CXADR: variants seen among roughly 807,000 people sequenced by gnomAD.
CXADR encodes CXADR cell adhesion molecule.
CXADR carries 20 observed loss-of-function variants against 40.3 expected under a neutral mutation model. The ratio of observed to expected loss-of-function variants is 0.50; its 90% CI spans 0.35 to 0.72. The LOEUF is 0.72. CXADR is among the 30% of genes least tolerant of loss of function. The pLI is 0.01. For synonymous variants in CXADR, 150 were observed against 161.3 expected (o/e 0.93, Z 0.53); for missense variants, 332 against 449.1 (o/e 0.74, Z 2.36).
rs765586953 is a variant in CXADR at position 17,565,479 on chromosome 21, C to G, written c.885C>G (p.Ile295Met). ...KSRTSTARSY[I>M]GSNHSSLGSM... The stretch of plus-strand genomic sequence containing the variant: ...GTACGTCCACTGCCAGAAGCTACAT[C>G]GGCAGTAATCATTCATCCCTGGGGT... Residue 295 changes from isoleucine to methionine, a missense_variant, in exon 7 of 7, where the codon ATC becomes ATG. By Grantham distance (10) the Ile-to-Met change is conservative. Coordinates refer to ENST00000284878, the MANE Select transcript of CXADR (RefSeq NM_001338.5). 1.1e-5 allele frequency: 17 copies of G among 1,613,944 alleles called. No homozygotes were observed. Among genetic ancestry groups the G allele is most frequent in the Non-Finnish European group, 1.4e-5 (16 of 1,179,852 alleles).
downstream of CXADR, among the ~76,000 whole-genome samples, chr21:17,570,449 A>G (rs1262150294): frequency 6.6e-6 from 1 of 152,208 alleles, no homozygotes; most frequent in Non-Finnish European, 1.5e-5. Context: ...TGGGAAGTCA[A>G]AGATCAAGGC....
chr21:17,559,358 A>T (rs924432275), intron 4 of CXADR, among the ~76,000 whole-genome samples: 855 of 24,868 alleles, frequency 0.034, 9 homozygotes, highest in African/African-American at 0.062. Flanking sequence ...TTTTTTTTTA[A>T]AAAATGTGTA....
rs1355960039 is a variant in CXADR at position 17,568,375 on chromosome 21, G to C, written c.*2683G>C. On this transcript the variant is annotated 3_prime_UTR_variant, in exon 7 of 7. Transcript: ENST00000284878. Reference sequence around the variant, plus strand: ...GATCTCCTGACCTCGTGATCTGCCTGCCTCGGCCTCCCAAAGTGCTGGGAT... The same window carrying C: ...GATCTCCTGACCTCGTGATCTGCCTCCCTCGGCCTCCCAAAGTGCTGGGAT... 6 of 931,722 alleles carry C rather than the reference G, an allele frequency of 6.4e-6. No individual in the cohort carries two copies. The highest frequency in any genetic ancestry group is 3.6e-5 in the African/African-American group (2 of 55,738). 57.7% of individuals were successfully genotyped at this position (931,722 alleles called of 1,614,324 possible). A position where few individuals can be genotyped will look rare whatever the true frequency, so the allele number is the denominator to read the frequency against.
At chr21:17,615,508 A>C in the CXADR span, among the ~76,000 whole-genome samples, 3 of 152,218 alleles carry the variant, frequency 2.0e-5, no homozygotes, top group African/African-American at 7.2e-5. Flanking sequence ...AGAGATTAAC[A>C]ATAATTATAA....
intron 1 of CXADR, among the ~76,000 whole-genome samples, chr21:17,522,084 G>A (rs1045701908): frequency 1.3e-5 from 2 of 151,646 alleles, no homozygotes; most frequent in Admixed American, 6.6e-5. Context: ...GTGGGCTCAG[G>A]TGATTCTTCT....
rs532541050 is a variant in CXADR, at chr21:17,577,612, C to CTTTTTTTTTTTTTTTTTTTTTTTTT, written c.1017+12005_1017+12029dup. Among the ~76,000 whole-genome samples the CTTTTTTTTTTTTTTTTTTTTTTTTT allele has an allele frequency of 1.4e-4, 5 of 36,576 alleles. 1 individual carries two copies. The East Asian group carries it at 3.2e-3, about 24-fold the overall frequency. 24.0% of individuals were successfully genotyped at this position (36,576 alleles called of 152,430 possible). On this transcript the variant is annotated intron_variant, in intron 7 of 7. Transcript: ENST00000400169. ...CTCACACGTCAGACCATTCTGCAAG[C>CTTTTTTTTTTTTTTTTTTTTTTTTT]TTTTTTTTTTTTTTTTTTTTTTTTT...
At chr21:17,518,948 CT>C in intron 1 of CXADR, 3 of 1,608,814 alleles carry the variant, frequency 1.9e-6, no homozygotes, top group East Asian at 2.2e-5. Flanking sequence ...CCCTTGCCCC[CT>C]ATCCGGACCT....
At chr21:17,578,834 A>G (rs973319608) in intron 7 of CXADR, among the ~76,000 whole-genome samples, 1 of 152,152 alleles carries the variant, frequency 6.6e-6, no homozygotes, top group Non-Finnish European at 1.5e-5. Flanking sequence ...CAAAAAAATT[A>G]AGAAATCTAA....
chr21:17,561,773 A>G (rs988867728), intron 6 of CXADR, among the ~76,000 whole-genome samples: 3 of 152,166 alleles, frequency 2.0e-5, no homozygotes, highest in African/African-American at 7.2e-5. Context: ...AGTGGTAGGG[A>G]TGAAGTAGAT....
At chr21:17,634,053 A>G in the CXADR span, among the ~76,000 whole-genome samples, 1 of 152,228 alleles carries the variant, frequency 6.6e-6, no homozygotes, top group African/African-American at 2.4e-5. Context: ...TGAAGTTTTC[A>G]TTAGCTATGT....
At chr21:17,552,695 GC>G (rs1569118309) in intron 3 of CXADR, among the ~76,000 whole-genome samples, 8 of 152,122 alleles carry the variant, frequency 5.3e-5, no homozygotes, top group African/African-American at 1.9e-4. Context: ...TAGCTGTCTA[GC>G]TCTCTGCTTA....
chr21:17,586,401 G>GTATA lies in CXADR; in HGVS notation c.1018-6740_1018-6737dup, dbSNP rs71189554. Reference sequence around the variant, plus strand: ...ATGTGTGTATATATATATATAATGTGTATATATATATATAATATATATTAT... The same window carrying GTATA: ...ATGTGTGTATATATATATATAATGTGTATATATATATATATATAATATATATTAT... On this transcript the variant is annotated intron_variant, in intron 7 of 7. Transcript: ENST00000400169. Among the ~76,000 whole-genome samples the GTATA allele has an allele frequency of 5.2e-3, 761 of 145,360 alleles. 2 individuals carry two copies. The highest frequency in any genetic ancestry group is 8.0e-3 in the Non-Finnish European group (532 of 66,596).
At chr21:17,515,441 C>CT (rs1033724729) in intron 1 of CXADR, among the ~76,000 whole-genome samples, 1 of 150,400 alleles carries the variant, frequency 6.6e-6, no homozygotes, top group Non-Finnish European at 1.5e-5. Context: ...GAGTGAGACT[C>CT]TGTCTCAAAA....
At chr21:17,571,540 T>C (rs17833677), downstream of CXADR, among the ~76,000 whole-genome samples, 1,065 of 152,274 alleles carry the variant, frequency 7.0e-3, 69 homozygotes, top group East Asian at 0.16. Flanking sequence ...ATGAAGTAAC[T>C]TATTATTCAG....
rs1832845588 is a variant in CXADR, at chr21:17,567,471, C to T, written c.*1779C>T. On this transcript the variant is annotated 3_prime_UTR_variant, in exon 7 of 7. Transcript: ENST00000284878. ...GTGCCTATGAGCTAGCTATCACCTA[C>T]CTGAAAGGTGCTTAGAGGTGAAGGT... 1 of 985,298 alleles carries T rather than the reference C, an allele frequency of 1.0e-6. No individual in the cohort carries two copies. Among genetic ancestry groups the T allele is most frequent in the South Asian group, 4.7e-5 (1 of 21,282 alleles). 61.0% of individuals were successfully genotyped at this position (985,298 alleles called of 1,614,324 possible). A position where few individuals can be genotyped will look rare whatever the true frequency, so the allele number is the denominator to read the frequency against.
intron 1 of CXADR, among the ~76,000 whole-genome samples, chr21:17,524,723 C>A (rs2060577191): frequency 6.6e-6 from 1 of 151,448 alleles, no homozygotes; most frequent in African/African-American, 2.4e-5. Context: ...CTCATCTCTA[C>A]AAAAAATACA....
chr21:17,586,395 T>A lies in CXADR; in HGVS notation c.1018-6757T>A, dbSNP rs142788462. ...TACAAAATGTGTGTATATATATATA[T>A]AATGTGTATATATATATATAATATA... On this transcript the variant is annotated intron_variant, in intron 7 of 7. Transcript: ENST00000400169. 7.1e-3 allele frequency among the ~76,000 whole-genome samples: 938 copies of A among 132,944 alleles called. 56 individuals carry two copies. In the East Asian group the frequency reaches 0.15, roughly 21 times the overall value. The allele number at this position is 132,944 out of a possible 152,430, so 87.2% of individuals were successfully genotyped here.
chr21:17,551,508 G>A (rs930473154), intron 2 of CXADR, among the ~76,000 whole-genome samples: 10 of 152,148 alleles, frequency 6.6e-5, no homozygotes, highest in Admixed American at 2.0e-4. Flanking sequence ...ATCATGTTGC[G>A]TCTTGGTTTC....
At chr21:17,635,651 T>A in the CXADR span, among the ~76,000 whole-genome samples, 1 of 152,260 alleles carries the variant, frequency 6.6e-6, no homozygotes, top group African/African-American at 2.4e-5. Flanking sequence ...TCTAGCCTTT[T>A]ATCCACTAAT....
Sources: allele counts gnomAD v4.1 joint callset (sites outside exome capture counted in the v4.1 genomes callset), GRCh38; gene constraint gnomAD v4.1.1; transcripts MANE v1.5; gene names NCBI Gene and HGNC (gene_info 2026-07-23, HGNC 2026-07-21).